Variants in B4GALNT3 observed in about 807,000 individuals in gnomAD.
B4GALNT3 encodes beta-1,4-N-acetylgalactosaminyltransferase 3.
A neutral mutation model predicts 120.2 loss-of-function variants in B4GALNT3; 86 were observed. That is an observed-to-expected ratio of 0.72 (90% CI 0.60 to 0.86). B4GALNT3 has a LOEUF of 0.86. B4GALNT3 is among the 40% of genes least tolerant of loss of function. The pLI is 0.00. For synonymous variants in B4GALNT3, 518 were observed against 510.4 expected, an observed-to-expected ratio of 1.01 and a Z score of -0.20; for missense variants, 1,167 against 1,298.9, an observed-to-expected ratio of 0.90 and a Z score of 1.56.
At chr12:480,586 G>A (rs1286997354) in intron 1 of B4GALNT3, among the ~76,000 whole-genome samples, 1 of 151,518 alleles carries the variant, frequency 6.6e-6, no homozygotes, top group African/African-American at 2.4e-5. Flanking sequence ...ACTATGATAA[G>A]GAGCCCTGGG....
At chr12:529,394 G>A (rs879937605) in intron 1 of B4GALNT3, among the ~76,000 whole-genome samples, 5 of 152,174 alleles carry the variant, frequency 3.3e-5, no homozygotes, top group Non-Finnish European at 5.9e-5. Context: ...CCATCCGCTG[G>A]GTTGAGCAGT....
intron 1 of B4GALNT3, among the ~76,000 whole-genome samples, chr12:504,462 C>T (rs555933032): frequency 2.6e-5 from 4 of 151,768 alleles, no homozygotes; most frequent in Admixed American, 1.3e-4. Context: ...CCCCCGCCCC[C>T]GAACTCTTTT....
chr12:559,234 C>CTCCT (rs1427043808), intron 18 of B4GALNT3, 61 bp from the exon 19 acceptor site: 23 of 1,606,854 alleles, frequency 1.4e-5, no homozygotes, highest in Admixed American at 1.3e-4. Flanking sequence ...GCCTGGAAGC[C>CTCCT]TCCTTCCTTC....
At chr12:480,890 C>A (rs1443160106) in intron 1 of B4GALNT3, among the ~76,000 whole-genome samples, 1 of 152,248 alleles carries the variant, frequency 6.6e-6, no homozygotes, top group African/African-American at 2.4e-5. Context: ...CAGCCTCCTC[C>A]TCTGCCCTTG....
At position 525,389 on chromosome 12, in the gene B4GALNT3, G is replaced by A. The variant is rs559939374; in HGVS notation, c.170-9777G>A. ...CTCCCAAAGTGCTGGGATGACAGGC[G>A]TGAGCCACTGCGCTCGGCCAATAAC... On this transcript the variant is annotated intron_variant, in intron 1 of 19. Transcript: ENST00000266383. Among the ~76,000 whole-genome samples, 12 of 152,286 alleles carry A rather than the reference G, an allele frequency of 7.9e-5. No homozygotes were observed. In the East Asian group the frequency reaches 9.6e-4, roughly 12 times the overall value.
chr12:489,992 A>T (rs999582378), intron 1 of B4GALNT3, among the ~76,000 whole-genome samples: 4 of 152,358 alleles, frequency 2.6e-5, no homozygotes, highest in South Asian at 2.1e-4. Context: ...ATGGATATTT[A>T]AAAATGTGCT....
chr12:490,992 A>G (rs1290454384), intron 1 of B4GALNT3, among the ~76,000 whole-genome samples: 2 of 151,278 alleles, frequency 1.3e-5, no homozygotes, highest in Non-Finnish European at 2.9e-5. Context: ...CTCTTCTAGA[A>G]GATAGAAGCA....
rs200291617 is a variant in B4GALNT3, at chr12:559,281, C to T, written c.2762-14C>T. 2,594 of 1,613,854 alleles carry T rather than the reference C, an allele frequency of 1.6e-3. 7 individuals carry two copies. The highest frequency in any genetic ancestry group is 2.1e-3 in the Non-Finnish European group (2,476 of 1,179,796). ...CTCTGGCTCATCTCACCCGAAGCTC[C>T]TGTCTGTCCACAGGCTACTGGGAGG... On this transcript the variant is annotated splice_polypyrimidine_tract_variant and intron_variant, in intron 18 of 19. Coordinates refer to ENST00000266383, the MANE Select transcript of B4GALNT3 (RefSeq NM_173593.4).
intron 3 of B4GALNT3, among the ~76,000 whole-genome samples, chr12:542,576 C>A (rs1025065773): frequency 6.6e-6 from 1 of 152,092 alleles, no homozygotes; most frequent in African/African-American, 2.4e-5. Flanking sequence ...TGGGGTGATC[C>A]GAGGCCCACT....
intron 1 of B4GALNT3, among the ~76,000 whole-genome samples, chr12:479,804 C>G (rs11063173): frequency 0.16 from 23,995 of 151,688 alleles, 2,404 homozygotes; most frequent in African/African-American, 0.28. Flanking sequence ...CGGGTGATTT[C>G]TCTCTCGTTT....
chr12:538,512 T>C (rs1946883302), intron 3 of B4GALNT3, among the ~76,000 whole-genome samples: 2 of 149,300 alleles, frequency 1.3e-5, no homozygotes, highest in East Asian at 2.0e-4. Context: ...TGAGCCGAGA[T>C]TGTGCCACTG....
intron 1 of B4GALNT3, among the ~76,000 whole-genome samples, chr12:514,068 T>C (rs999032508): frequency 2.0e-4 from 31 of 152,234 alleles, no homozygotes; most frequent in African/African-American, 7.2e-4. Flanking sequence ...CTGGGTCAAA[T>C]AGTAACTCCA....
intron 1 of B4GALNT3, among the ~76,000 whole-genome samples, chr12:490,593 AGTGG>A (rs1946331480): frequency 6.6e-6 from 1 of 152,096 alleles, no homozygotes; most frequent in East Asian, 1.9e-4. Flanking sequence ...ATCTGGGCAT[AGTGG>A]CTTGTGCCTA....
In B4GALNT3 at chr12:550,523, C is replaced by G. The variant is rs1947068966; in HGVS notation, c.998-399C>G. Among the ~76,000 whole-genome samples, 1 of 152,088 alleles carries G rather than the reference C, an allele frequency of 6.6e-6. No individual in the cohort carries two copies. The highest frequency in any genetic ancestry group is 6.6e-5 in the Admixed American group (1 of 15,264). On this transcript the variant is annotated intron_variant, in intron 10 of 19. Coordinates refer to ENST00000266383, the MANE Select transcript of B4GALNT3 (RefSeq NM_173593.4). This position sits in a 1 kb window ranked among gnomAD's most constrained non-coding sequence, Gnocchi z 4.1. ...ACAAACAAAAAAAACAACAAAGTTT[C>G]TTTACTCCTCACCCCTCTCAAAAAA...
intron 1 of B4GALNT3, among the ~76,000 whole-genome samples, chr12:524,046 G>A (rs550102422): frequency 1.3e-5 from 2 of 152,180 alleles, no homozygotes; most frequent in Non-Finnish European, 2.9e-5. Flanking sequence ...AGGCGACGGT[G>A]AGAGACTCCA....
chr12:539,670 T>C (rs376399687), intron 3 of B4GALNT3, among the ~76,000 whole-genome samples: 11 of 152,146 alleles, frequency 7.2e-5, no homozygotes, highest in African/African-American at 2.7e-4. Context: ...GCTAGCACTT[T>C]GGGAGGCCAA....
chr12:551,634 G>A (rs1025975804), intron 11 of B4GALNT3, among the ~76,000 whole-genome samples: 1 of 152,210 alleles, frequency 6.6e-6, no homozygotes, highest in Non-Finnish European at 1.5e-5. Flanking sequence ...GTGACCACGA[G>A]CTATGTTTAA....
intron 17 of B4GALNT3, among the ~76,000 whole-genome samples, 199 bp from the exon 18 acceptor site, chr12:558,309 G>A (rs1222535337): frequency 6.6e-6 from 1 of 152,166 alleles, no homozygotes; most frequent in African/African-American, 2.4e-5. Flanking sequence ...ATAAAGAGTG[G>A]GGAGGAGTCA....
intron 1 of B4GALNT3, among the ~76,000 whole-genome samples, chr12:500,059 C>T (rs1014029157): frequency 9.9e-5 from 15 of 152,190 alleles, no homozygotes; most frequent in Non-Finnish European, 2.2e-4. Context: ...ACAGCATCCT[C>T]TAACGTTAGG....
Sources: gnomAD v4.1 joint callset for allele counts (sites outside exome capture counted in the v4.1 genomes callset) on GRCh38, gnomAD v4.1.1 for gene constraint, Gnocchi (gnomAD v3.1) non-coding constraint, MANE v1.5 for transcripts, NCBI Gene and HGNC (gene_info 2026-07-23, HGNC 2026-07-21) for gene names.